Variants in SNX4 observed in about 807,000 individuals in gnomAD.
SNX4 encodes sorting nexin-4.
Under a neutral mutation model 70.8 loss-of-function variants are expected in SNX4, and 49 were observed. The ratio of observed to expected loss-of-function variants is 0.69; its 90% confidence interval spans 0.55 to 0.88. SNX4 has a LOEUF of 0.88. Ranked by LOEUF, SNX4 falls within the 40% of genes least tolerant of loss-of-function variation. The pLI is 0.00. For synonymous variants in SNX4, 206 were observed against 183.8 expected (o/e 1.12, Z -0.98); for missense variants, 528 against 544.8 (o/e 0.97, Z 0.31).
chr3:125,502,367 A>C (rs1023307026), intron 2 of SNX4, among the ~76,000 whole-genome samples: 5 of 149,574 alleles, frequency 3.3e-5, no homozygotes, highest in Admixed American at 2.7e-4. Context: ...TTTTTAGAAG[A>C]TTCTTTTCTC....
intron 1 of SNX4, among the ~76,000 whole-genome samples, chr3:125,509,936 T>C (rs1164410193): frequency 6.6e-6 from 1 of 152,028 alleles, no homozygotes; most frequent in Non-Finnish European, 1.5e-5. Context: ...ATGGCTACTA[T>C]GAAAAACAAA....
At chr3:125,485,086 C>CA (rs1188983907) in intron 6 of SNX4, among the ~76,000 whole-genome samples, 1 of 151,336 alleles carries the variant, frequency 6.6e-6, no homozygotes, top group African/African-American at 2.4e-5. Flanking sequence ...AAAACAAAAA[C>CA]AAAAAACCAG....
intron 8 of SNX4, among the ~76,000 whole-genome samples, chr3:125,475,401 G>T (rs1934269027): frequency 6.6e-6 from 1 of 151,976 alleles, no homozygotes; most frequent in African/African-American, 2.4e-5. Flanking sequence ...GTCTCACTCT[G>T]CCGCCCAGGC....
At chr3:125,455,627 A>G (rs1278339902) in intron 11 of SNX4, among the ~76,000 whole-genome samples, 1 of 152,234 alleles carries the variant, frequency 6.6e-6, no homozygotes, top group Non-Finnish European at 1.5e-5. Flanking sequence ...CCTAGTTTAT[A>G]CATGTGTCCT....
In SNX4 at chr3:125,447,704, T is replaced by C. The variant is rs2107836276; in HGVS notation, c.*75A>G. On this transcript the variant is annotated 3_prime_UTR_variant, in exon 14 of 14. Transcript: ENST00000251775. ...GTATATGTTTATGTATACTAGGTAG[T>C]GACTTAAATTTCTTTTATTTACTTG... 2 of 996,136 alleles carry C rather than the reference T, an allele frequency of 2.0e-6. No homozygotes were observed. The highest frequency in any genetic ancestry group is 3.1e-6 in the Non-Finnish European group (2 of 649,470). The allele number at this position is 996,136 out of a possible 1,614,324, so 61.7% of individuals were successfully genotyped here. A position where few individuals can be genotyped will look rare whatever the true frequency, so the allele number is the denominator to read the frequency against.
intron 8 of SNX4, among the ~76,000 whole-genome samples, chr3:125,471,344 CAAAAAAAAAAA>C (rs767432586): frequency 3.2e-4 from 9 of 28,160 alleles, no homozygotes; most frequent in African/African-American, 3.7e-4. Flanking sequence ...AGCTCCATCT[CAAAAAAAAAAA>C]AAAAAAAAAA....
chr3:125,479,423 T>C (rs1442960079), intron 7 of SNX4, among the ~76,000 whole-genome samples: 1 of 152,040 alleles, frequency 6.6e-6, no homozygotes, highest in Non-Finnish European at 1.5e-5. Context: ...GGCATGGTGC[T>C]GCATGCCTGT....
At chr3:125,497,071 ACACT>A (rs1580002038) in intron 5 of SNX4, among the ~76,000 whole-genome samples, 1 of 146,882 alleles carries the variant, frequency 6.8e-6, no homozygotes, top group Non-Finnish European at 1.5e-5. Flanking sequence ...ATTACTATAA[ACACT>A]AACTAAAAAA....
At chr3:125,512,772 C>CTTT (rs35641181) in intron 1 of SNX4, among the ~76,000 whole-genome samples, 1 of 142,632 alleles carries the variant, frequency 7.0e-6, no homozygotes. Flanking sequence ...GATACAACAA[C>CTTT]TTTTTTTTTT....
At chr3:125,449,370 G>GATC (rs1455749641) in intron 13 of SNX4, 3 of 150,888 alleles carry the variant, frequency 2.0e-5, no homozygotes, top group African/African-American at 7.3e-5. Flanking sequence ...AGTGAGCTGA[G>GATC]ATCATGCCAT....
At chr3:125,511,415 T>C (rs187680886) in intron 1 of SNX4, among the ~76,000 whole-genome samples, 1 of 152,336 alleles carries the variant, frequency 6.6e-6, no homozygotes, top group Non-Finnish European at 1.5e-5. Context: ...TATTAAACTT[T>C]AAATTCATCT....
At chr3:125,452,434 C>G (rs915815685) in intron 12 of SNX4, among the ~76,000 whole-genome samples, 1 of 151,946 alleles carries the variant, frequency 6.6e-6, no homozygotes, top group Non-Finnish European at 1.5e-5. Flanking sequence ...AGTTTAAAAA[C>G]TTTTTTAGCC....
At chr3:125,517,933 C>T (rs113474114) in intron 1 of SNX4, among the ~76,000 whole-genome samples, 1,658 of 151,664 alleles carry the variant, frequency 0.011, 15 homozygotes, top group African/African-American at 0.033. Context: ...CCCGAGATCA[C>T]GCCACTGCAC....
intron 8 of SNX4, among the ~76,000 whole-genome samples, chr3:125,473,541 A>G (rs186971951): frequency 3.9e-5 from 6 of 152,044 alleles, no homozygotes; most frequent in African/African-American, 1.4e-4. Context: ...CAGCCTCCCA[A>G]GTAGCTGGGA....
intron 12 of SNX4, among the ~76,000 whole-genome samples, chr3:125,453,367 T>C (rs920863712): frequency 3.9e-5 from 6 of 152,076 alleles, no homozygotes; most frequent in African/African-American, 1.5e-4. Context: ...GGAGGGAAAG[T>C]ACAAAGGGTA....
Position 125,498,073 on chromosome 3 carries a change from G to A in SNX4, c.385C>T (p.Leu129=), listed in dbSNP as rs1934839646. The change falls in exon 3 of 14, where the codon CTG becomes TTG. Residue 129 remains leucine, a synonymous_variant. Transcript: ENST00000251775. ...TCACTTCTTACCCGTTTTTCTGGCA[G>A]AGGTGGCACAACAATATGTGGATAG... is the stretch of plus-strand genomic sequence containing the variant. ...VYYPHIVVPP[L]PEKRAEFVWH... 3.7e-6 allele frequency: 6 copies of A among 1,614,092 alleles called. No homozygotes were observed. The highest frequency in any genetic ancestry group is 5.1e-6 in the Non-Finnish European group (6 of 1,180,014).
chr3:125,449,515 C>T (rs1391719609), intron 13 of SNX4, among the ~76,000 whole-genome samples: 2 of 151,992 alleles, frequency 1.3e-5, no homozygotes, highest in Non-Finnish European at 2.9e-5. Context: ...CCTGCCTCAA[C>T]CTCCCAAATA....
intron 6 of SNX4, among the ~76,000 whole-genome samples, chr3:125,483,931 T>G (rs1173229634): frequency 6.6e-6 from 1 of 152,232 alleles, no homozygotes. Flanking sequence ...CATAAATGAT[T>G]AGGTGTTCTT....
At chr3:125,514,206 A>G (rs1935225865) in intron 1 of SNX4, among the ~76,000 whole-genome samples, 2 of 152,264 alleles carry the variant, frequency 1.3e-5, no homozygotes, top group East Asian at 1.9e-4. Context: ...TAAGAAAAAT[A>G]GGGTTATAAC....
Sources: allele counts gnomAD v4.1 joint callset (sites outside exome capture counted in the v4.1 genomes callset), GRCh38; gene constraint gnomAD v4.1.1; transcripts MANE v1.5; gene names NCBI Gene and HGNC (gene_info 2026-07-23, HGNC 2026-07-21).